Variants in GSE1 observed in about 807,000 individuals in gnomAD.
GSE1 encodes genetic suppressor element 1.
A neutral mutation model predicts 112.6 loss-of-function variants in GSE1; 32 were observed. That is an observed-to-expected ratio of 0.28 (90% confidence interval 0.21 to 0.38). The LOEUF is 0.38. Ranked by LOEUF, GSE1 falls within the 10% of genes least tolerant of loss-of-function variation. The pLI is 1.00. For synonymous variants in GSE1, 1,115 were observed against 735.6 expected, an observed-to-expected ratio of 1.52 and a Z score of -8.35; for missense variants, 2,348 against 1,699.2, an observed-to-expected ratio of 1.38 and a Z score of -6.71.
chr16:85,662,876 C>G (rs747865729), intron 9 of GSE1, 105 bp from the exon 10 acceptor site: 22 of 769,964 alleles, frequency 2.9e-5, no homozygotes, highest in Non-Finnish European at 4.0e-5. Flanking sequence ...CAGGTGCCAG[C>G]AGGCCTGGCC....
At chr16:85,659,154 C>T (rs1221563537) in intron 8 of GSE1, among the ~76,000 whole-genome samples, 3 of 152,334 alleles carry the variant, frequency 2.0e-5, no homozygotes, top group African/African-American at 7.2e-5. Flanking sequence ...AGAGGGACAG[C>T]AGCGTCGGAT....
chr16:85,368,890 G>T (rs1489045795), intron 2 of GSE1, among the ~76,000 whole-genome samples: 1 of 152,152 alleles, frequency 6.6e-6, no homozygotes, highest in Non-Finnish European at 1.5e-5. Context: ...ACGGCTCTGG[G>T]AGGGCTGCGG....
At chr16:85,442,297 C>T (rs537796007) in intron 2 of GSE1, among the ~76,000 whole-genome samples, 1 of 152,302 alleles carries the variant, frequency 6.6e-6, no homozygotes, top group African/African-American at 2.4e-5. Context: ...CAACACTGTT[C>T]CTTGTTTGCG....
intron 1 of GSE1, among the ~76,000 whole-genome samples, chr16:85,210,861 A>G (rs981307859): frequency 6.6e-6 from 1 of 152,158 alleles, no homozygotes; most frequent in Non-Finnish European, 1.5e-5. Context: ...GCAGGAGAGG[A>G]GCCACCTGGA....
upstream of GSE1, among the ~76,000 whole-genome samples, chr16:85,612,310 T>C (rs2151545225): frequency 6.6e-6 from 1 of 151,958 alleles, no homozygotes; most frequent in South Asian, 2.1e-4. Flanking sequence ...TCAGTCCCTC[T>C]CCGCGCCGCC....
intron 1 of GSE1, among the ~76,000 whole-genome samples, chr16:85,327,171 C>G (rs2046243641): frequency 6.6e-6 from 1 of 152,138 alleles, no homozygotes; most frequent in Admixed American, 6.5e-5. Context: ...GACCAGTGTC[C>G]CAAAAGAAAG....
At chr16:85,431,424 C>A (rs1390327065) in intron 2 of GSE1, among the ~76,000 whole-genome samples, 1 of 152,202 alleles carries the variant, frequency 6.6e-6, no homozygotes, top group East Asian at 1.9e-4. Flanking sequence ...GCAACTAATG[C>A]GAAAATACAA....
chr16:85,476,569 G>C (rs1597875257), intron 2 of GSE1, among the ~76,000 whole-genome samples: 1 of 152,066 alleles, frequency 6.6e-6, no homozygotes, highest in Admixed American at 6.6e-5. Context: ...TGTGGCCTTT[G>C]TACGTGCTGT....
intron 1 of GSE1, among the ~76,000 whole-genome samples, chr16:85,319,494 C>T (rs903836622): frequency 7.0e-6 from 1 of 143,392 alleles, no homozygotes. Context: ...GGGTGGCGAG[C>T]GTCGGGCTGA....
intron 1 of GSE1, among the ~76,000 whole-genome samples, chr16:85,346,786 G>T (rs1272910227): frequency 6.6e-6 from 1 of 150,676 alleles, no homozygotes; most frequent in African/African-American, 2.4e-5. Flanking sequence ...TGGATGGATG[G>T]ATGGACAGGT....
intron 3 of GSE1, among the ~76,000 whole-genome samples, chr16:85,651,172 C>G (rs967739645): frequency 4.7e-5 from 7 of 150,298 alleles, no homozygotes; most frequent in African/African-American, 1.7e-4. Context: ...CGCCCTGATG[C>G]GTCTGTCTGT....
intron 1 of GSE1, among the ~76,000 whole-genome samples, chr16:85,192,169 G>T (rs899857772): frequency 6.6e-6 from 1 of 152,240 alleles, no homozygotes; most frequent in African/African-American, 2.4e-5. Flanking sequence ...GGACCATGCT[G>T]TACATTGTAT....
chr16:85,184,770 C>T (rs1280335838), intron 1 of GSE1, among the ~76,000 whole-genome samples: 2 of 152,058 alleles, frequency 1.3e-5, no homozygotes, highest in African/African-American at 4.8e-5. Context: ...ATCTTAATAT[C>T]TTATGGTTAT....
intron 1 of GSE1, 129 bp downstream of exon 1, chr16:85,613,527 G>A: frequency 2.3e-6 from 2 of 858,334 alleles, no homozygotes; most frequent in Non-Finnish European, 3.5e-6. Flanking sequence ...CGGAGTGTTA[G>A]CGGCGATAAG....
chr16:85,434,345 A>AATAATAATAATAATCATCATCATCATC (rs60129328), intron 2 of GSE1, among the ~76,000 whole-genome samples: 1 of 143,460 alleles, frequency 7.0e-6, no homozygotes, highest in Admixed American at 7.1e-5. Flanking sequence ...TAATAATAAT[A>AATAATAATAATAATCATCATCATCATC]ATCAGTGCCG....
At chr16:85,522,817 G>A (rs866570992) in intron 2 of GSE1, among the ~76,000 whole-genome samples, 1 of 152,070 alleles carries the variant, frequency 6.6e-6, no homozygotes, top group Non-Finnish European at 1.5e-5. Context: ...TTGGATATAT[G>A]TATAAGTGTC....
intron 2 of GSE1, among the ~76,000 whole-genome samples, chr16:85,638,308 G>T (rs2050168343): frequency 6.6e-6 from 1 of 152,206 alleles, no homozygotes; most frequent in Non-Finnish European, 1.5e-5. Context: ...TGGAGGCGCT[G>T]AGACGTCTTC....
intron 1 of GSE1, among the ~76,000 whole-genome samples, chr16:85,225,372 C>T (rs1335689859): frequency 2.6e-5 from 4 of 152,056 alleles, no homozygotes; most frequent in Non-Finnish European, 4.4e-5. Context: ...GTGCAGAGGG[C>T]CCGAGGAGGG....
At chr16:85,565,579 G>C (rs2045712764) in intron 1 of GSE1, among the ~76,000 whole-genome samples, 1 of 152,166 alleles carries the variant, frequency 6.6e-6, no homozygotes, top group South Asian at 2.1e-4. Context: ...GGAAGCTCTG[G>C]AGAGAAGGGG....
Sources: gnomAD v4.1 joint callset for allele counts (sites outside exome capture counted in the v4.1 genomes callset) on GRCh38, gnomAD v4.1.1 for gene constraint, MANE v1.5 for transcripts, NCBI Gene and HGNC (gene_info 2026-07-23, HGNC 2026-07-21) for gene names.